Variants in BCL10 observed in about 807,000 individuals in gnomAD.
The protein encoded by BCL10 is BCL10 immune signaling adaptor.
BCL10 carries 5 observed loss-of-function variants against 19.2 expected under a neutral mutation model. The observed-to-expected ratio is 0.26, with a 90% confidence interval of 0.14 to 0.55. The LOEUF is 0.55. Among genes scored for constraint, BCL10 ranks in the 20% least tolerant of loss-of-function variants. The pLI is 0.94. For missense variants in BCL10, 201 were observed against 271.9 expected (o/e 0.74, Z 1.83); for synonymous variants, 110 against 98.8 (o/e 1.11, Z -0.67).
At position 85,267,473 on chromosome 1, in the gene BCL10, T is replaced by G. The variant is rs1660230926; in HGVS notation, c.*154A>C. 1.6e-6 allele frequency: 1 copy of G among 625,754 alleles called. No homozygotes were observed. The highest frequency in any genetic ancestry group is 2.6e-6 in the Non-Finnish European group (1 of 381,674). The allele number at this position is 625,754 out of a possible 1,614,324, so 38.8% of individuals were successfully genotyped here. On this transcript the variant is annotated 3_prime_UTR_variant, in exon 3 of 3. Coordinates refer to ENST00000648566, the MANE Select transcript of BCL10 (RefSeq NM_003921.5). ...AGTTAGCTATCCTAGAAGTATGCTT[T>G]TTTAATTCTAAAAATCCTATTTACA...
intron 1 of BCL10, among the ~76,000 whole-genome samples, chr1:85,274,126 G>A (rs1458171378): frequency 6.6e-6 from 1 of 152,106 alleles, no homozygotes; most frequent in East Asian, 1.9e-4. Context: ...ATCTCAAGTC[G>A]ATTTCCCCTA....
At chr1:85,269,348 T>C (rs995144860) in intron 2 of BCL10, among the ~76,000 whole-genome samples, 4 of 152,236 alleles carry the variant, frequency 2.6e-5, no homozygotes, top group African/African-American at 9.6e-5. Flanking sequence ...ATCCAGAGGA[T>C]TGAAAGAATA....
chr1:85,270,561 A>G, intron 2 of BCL10, 57 bp downstream of exon 2: 1 of 1,515,040 alleles, frequency 6.6e-7, no homozygotes, highest in South Asian at 1.2e-5. Flanking sequence ...CCTGCTCTGC[A>G]TTTTTTAAAA....
intron 2 of BCL10, among the ~76,000 whole-genome samples, chr1:85,270,004 A>C (rs1163750834): frequency 6.6e-6 from 1 of 152,226 alleles, no homozygotes. Context: ...TACTTTGCCT[A>C]AATACTGTTC....
chr1:85,271,608 T>C (rs1660372524), intron 1 of BCL10, among the ~76,000 whole-genome samples: 2 of 152,340 alleles, frequency 1.3e-5, no homozygotes, highest in South Asian at 4.1e-4. Flanking sequence ...TTGATCTCAA[T>C]AAATGGCATT....
In BCL10 at chr1:85,276,286, C is replaced by T. The variant is rs529305659; in HGVS notation, c.57+10G>A. 1.1e-5 allele frequency: 17 copies of T among 1,612,552 alleles called. No homozygotes were observed. In the East Asian group the frequency reaches 3.3e-4, roughly 32 times the overall value. On this transcript the variant is annotated intron_variant, in intron 1 of 2. Transcript: ENST00000648566. ...CCCCCGCCCGCCCTGGGCACAGCTG[C>T]GTTACTCACGTCCTTCTTCACTTCA...
intron 1 of BCL10, among the ~76,000 whole-genome samples, chr1:85,276,015 T>C (rs1365814013): frequency 6.6e-6 from 1 of 152,158 alleles, no homozygotes; most frequent in East Asian, 1.9e-4. Flanking sequence ...GGGGAAAGCA[T>C]GAGGAGATGG....
intron 1 of BCL10, among the ~76,000 whole-genome samples, chr1:85,273,957 A>C (rs1557788703): frequency 6.6e-6 from 1 of 152,136 alleles, no homozygotes; most frequent in Non-Finnish European, 1.5e-5. Flanking sequence ...TCCTAACTTC[A>C]CTTCAGATTA....
chr1:85,267,410 AAG>A lies in BCL10; in HGVS notation c.*215_*216del, dbSNP rs893021575. 13 of 448,568 alleles carry A rather than the reference AAG, an allele frequency of 2.9e-5. No homozygotes were observed. Among genetic ancestry groups the A allele is most frequent in the African/African-American group, 2.6e-4 (13 of 49,202 alleles). The allele number at this position is 448,568 out of a possible 1,614,324, so 27.8% of individuals were successfully genotyped here. A position where few individuals can be genotyped will look rare whatever the true frequency, so the allele number is the denominator to read the frequency against. On this transcript the variant is annotated 3_prime_UTR_variant, in exon 3 of 3. Transcript: ENST00000648566. Reference sequence around the variant, plus strand: ...ACTGAAAGACCTTAAAAAGGAAAAAAAGAAATTACTAAAAAGTACATGATCAA... The same window carrying A: ...ACTGAAAGACCTTAAAAAGGAAAAAAAAATTACTAAAAAGTACATGATCAA...
intron 1 of BCL10, among the ~76,000 whole-genome samples, chr1:85,273,587 G>T (rs894279697): frequency 6.6e-6 from 1 of 151,950 alleles, no homozygotes; most frequent in African/African-American, 2.4e-5. Flanking sequence ...CTTTGCAGAT[G>T]TAATTGCTGA....
chr1:85,270,036 T>C (rs1158618099), intron 2 of BCL10, among the ~76,000 whole-genome samples: 1 of 152,222 alleles, frequency 6.6e-6, no homozygotes, highest in African/African-American at 2.4e-5. Context: ...TGTACAGTAT[T>C]TTCAGAGCTT....
chr1:85,276,212 T>A, intron 1 of BCL10, 84 bp downstream of exon 1: 2 of 1,526,864 alleles, frequency 1.3e-6, no homozygotes, highest in Non-Finnish European at 1.8e-6. Context: ...ATCCTCCTTG[T>A]CCTCGGACTC....
chr1:85,276,333 G>T lies in BCL10; in HGVS notation c.20C>A (p.Ser7Tyr), dbSNP rs1268648553. The change falls in exon 1 of 3, where the codon TCC becomes TAC. Residue 7 changes from serine (S) to tyrosine (Y), a missense_variant. This residue lies in a region of BCL10 where 24 missense variants were observed against 16.6 expected (regional missense o/e 1.45). Coordinates refer to ENST00000648566, the MANE Select transcript of BCL10 (RefSeq NM_003921.5). ...TTCAGTGAGGTCCTCCTCGGTGAGGGACGGTGCGGTGGGCTCCATGGTGGA... is the reference window on the plus strand; with the variant it reads ...TTCAGTGAGGTCCTCCTCGGTGAGGTACGGTGCGGTGGGCTCCATGGTGGA... MEPTAP[S>Y]LTEEDLTEVK... 1.2e-6 allele frequency: 2 copies of T among 1,613,728 alleles called. No homozygotes were observed. Among genetic ancestry groups the T allele is most frequent in the Non-Finnish European group, 1.7e-6 (2 of 1,179,724 alleles).
At chr1:85,275,107 C>A (rs555012331) in intron 1 of BCL10, among the ~76,000 whole-genome samples, 26 of 152,220 alleles carry the variant, frequency 1.7e-4, no homozygotes, top group Non-Finnish European at 3.7e-4. Flanking sequence ...TGTGACACAG[C>A]ATCTGGAACA....
chr1:85,270,055 A>G (rs368858977), intron 2 of BCL10, among the ~76,000 whole-genome samples: 52 of 152,336 alleles, frequency 3.4e-4, no homozygotes, highest in African/African-American at 1.2e-3. Flanking sequence ...TTACTCTTGA[A>G]TAGATTAACT....
Position 85,268,081 on chromosome 1 carries a change from A to G in BCL10, c.347-99T>C, listed in dbSNP as rs190133949. 3.5e-5 allele frequency: 26 copies of G among 750,448 alleles called. No individual in the cohort carries two copies. The East Asian group carries it at 6.7e-4, about 19-fold the overall frequency. 46.5% of individuals were successfully genotyped at this position (750,448 alleles called of 1,614,324 possible). On this transcript the variant is annotated intron_variant, in intron 2 of 2. Transcript: ENST00000648566. ...TTAAAGATTACAAGCTAGTTACCCCACAATCAAAATTTAAATAGCAACTTG... is the reference window on the plus strand; with the variant it reads ...TTAAAGATTACAAGCTAGTTACCCCGCAATCAAAATTTAAATAGCAACTTG...
Position 85,276,494 on chromosome 1 carries a change from C to G in BCL10, c.-142G>C. 2.2e-6 allele frequency: 2 copies of G among 920,452 alleles called. No homozygotes were observed. The highest frequency in any genetic ancestry group is 1.5e-5 in the South Asian group (1 of 66,476). 57.0% of individuals were successfully genotyped at this position (920,452 alleles called of 1,614,324 possible). A position where few individuals can be genotyped will look rare whatever the true frequency, so the allele number is the denominator to read the frequency against. On this transcript the variant is annotated 5_prime_UTR_variant, in exon 1 of 3. Transcript: ENST00000648566. ...GTCGGGAGAAAGACGGCCGCCCCTTCGGGAACAGAGGGACTCGGGGGTCAA... is the reference window on the plus strand; with the variant it reads ...GTCGGGAGAAAGACGGCCGCCCCTTGGGGAACAGAGGGACTCGGGGGTCAA...
Position 85,276,399 on chromosome 1 carries a change from T to G in BCL10, c.-47A>C, listed in dbSNP as rs766215822. On this transcript the variant is annotated 5_prime_UTR_variant, in exon 1 of 3. Coordinates refer to ENST00000648566, the MANE Select transcript of BCL10 (RefSeq NM_003921.5). ...TTCTTCCGGGTCCGGGAGCTCGGGC[T>G]GCGCCGCCCCGCCCTGGCTGGGGGC... 2.5e-6 allele frequency: 4 copies of G among 1,601,608 alleles called. No homozygotes were observed. The highest frequency in any genetic ancestry group is 3.4e-6 in the Non-Finnish European group (4 of 1,169,690).
At chr1:85,274,115 TATCTC>T (rs1416213357) in intron 1 of BCL10, among the ~76,000 whole-genome samples, 1 of 152,252 alleles carries the variant, frequency 6.6e-6, no homozygotes, top group Non-Finnish European at 1.5e-5. Context: ...CTGACCATCC[TATCTC>T]AAGTCGATTT....
Sources: allele counts gnomAD v4.1 joint callset (sites outside exome capture counted in the v4.1 genomes callset), GRCh38; gene constraint gnomAD v4.1.1; regional missense constraint gnomAD v4.1.1; transcripts MANE v1.5; gene names NCBI Gene and HGNC (gene_info 2026-07-23, HGNC 2026-07-21).